Variants in DPH6 observed in about 807,000 individuals in gnomAD.
DPH6 encodes diphthamine biosynthesis 6.
Under a neutral mutation model 38.2 loss-of-function variants are expected in DPH6, and 33 were observed. The observed-to-expected ratio is 0.86, with a 90% confidence interval of 0.65 to 1.15. The LOEUF (loss-of-function observed/expected upper bound fraction) is 1.15. DPH6 is among the 50% of genes most tolerant of loss of function. The probability of loss-of-function intolerance (pLI) is 0.00; values close to 1 mark genes in which losing one functional copy is unlikely to be tolerated. For synonymous variants in DPH6, 108 were observed against 103.0 expected (o/e 1.05, Z -0.30); for missense variants, 325 against 320.0 (o/e 1.02, Z -0.12).
intron 6 of DPH6, among the ~76,000 whole-genome samples, chr15:35,400,292 G>A (rs566142727): frequency 6.6e-6 from 1 of 152,254 alleles, no homozygotes; most frequent in South Asian, 2.1e-4. Flanking sequence ...TGTGTATTGG[G>A]CTTTTACAGT....
chr15:35,350,958 T>C (rs1050512809), intron 3 of DPH6, among the ~76,000 whole-genome samples: 9 of 152,334 alleles, frequency 5.9e-5, no homozygotes, highest in African/African-American at 1.9e-4. Context: ...TCTAGAGTGT[T>C]GTTCAAGTCT....
intron 3 of DPH6, among the ~76,000 whole-genome samples, chr15:35,481,489 C>G: frequency 6.6e-6 from 1 of 151,786 alleles, no homozygotes; most frequent in Middle Eastern, 3.2e-3. Context: ...ATTGTAAAAA[C>G]AAAAACAAAC....
intron 6 of DPH6, among the ~76,000 whole-genome samples, chr15:35,406,811 G>T (rs1407916989): frequency 6.6e-6 from 1 of 151,986 alleles, no homozygotes; most frequent in Non-Finnish European, 1.5e-5. Context: ...ATAGATGACA[G>T]TGTGGAGGTA....
At chr15:35,166,856 C>A in the DPH6 span, among the ~76,000 whole-genome samples, 1 of 151,826 alleles carries the variant, frequency 6.6e-6, no homozygotes, top group Non-Finnish European at 1.5e-5. Context: ...GGAGGTGGGG[C>A]AAGCTGGAGG....
intron 5 of DPH6, among the ~76,000 whole-genome samples, chr15:35,419,098 C>A (rs1211417470): frequency 6.6e-6 from 1 of 151,704 alleles, no homozygotes; most frequent in African/African-American, 2.4e-5. Context: ...CACACACACT[C>A]TTGAAATCTC....
intron 3 of DPH6, among the ~76,000 whole-genome samples, chr15:35,510,370 G>A (rs1234173445): frequency 6.6e-6 from 1 of 152,050 alleles, no homozygotes; most frequent in East Asian, 1.9e-4. Context: ...CATCTTTATT[G>A]CTGGAAGCTC....
intron 3 of DPH6, among the ~76,000 whole-genome samples, chr15:35,518,684 C>T (rs1292721465): frequency 2.6e-5 from 4 of 151,950 alleles, no homozygotes; most frequent in Admixed American, 1.3e-4. Flanking sequence ...TCCCAACTTT[C>T]AGATTCACAT....
At chr15:35,488,662 G>A (rs954127405) in intron 3 of DPH6, among the ~76,000 whole-genome samples, 1 of 152,092 alleles carries the variant, frequency 6.6e-6, no homozygotes, top group Non-Finnish European at 1.5e-5. Flanking sequence ...AGATTTGGGT[G>A]GGGACAGAGA....
intron 6 of DPH6, among the ~76,000 whole-genome samples, chr15:35,389,982 C>T (rs1290662974): frequency 6.6e-6 from 1 of 152,128 alleles, no homozygotes; most frequent in Non-Finnish European, 1.5e-5. Flanking sequence ...GCTAATACTG[C>T]TTGTTCCTTT....
At chr15:35,345,983 T>C (rs982640670) in intron 3 of DPH6, among the ~76,000 whole-genome samples, 1 of 152,000 alleles carries the variant, frequency 6.6e-6, no homozygotes, top group Admixed American at 6.6e-5. Flanking sequence ...ACAAAATCTA[T>C]ATATTCATAA....
chr15:35,497,241 T>C (rs1272756237), intron 3 of DPH6, among the ~76,000 whole-genome samples: 2 of 152,170 alleles, frequency 1.3e-5, no homozygotes, highest in Admixed American at 6.5e-5. Flanking sequence ...GAAATGGTCA[T>C]TGGGCCTGTC....
intron 3 of DPH6, among the ~76,000 whole-genome samples, chr15:35,313,903 A>C (rs1016380308): frequency 8.5e-5 from 13 of 152,150 alleles, no homozygotes; most frequent in African/African-American, 3.1e-4. Flanking sequence ...TATTTTGTGT[A>C]AGACACCAAA....
At chr15:35,511,934 T>C (rs549029787) in intron 3 of DPH6, among the ~76,000 whole-genome samples, 1 of 152,304 alleles carries the variant, frequency 6.6e-6, no homozygotes, top group East Asian at 1.9e-4. Flanking sequence ...TTTAATCCAG[T>C]AACTAGGTTT....
chr15:35,386,170 C>T (rs1487938839), intron 6 of DPH6, among the ~76,000 whole-genome samples: 1 of 152,184 alleles, frequency 6.6e-6, no homozygotes, highest in Non-Finnish European at 1.5e-5. Flanking sequence ...CTACAAAGGA[C>T]ATGAACTCAT....
At chr15:35,513,596 T>G (rs1344852001) in intron 3 of DPH6, among the ~76,000 whole-genome samples, 2 of 152,000 alleles carry the variant, frequency 1.3e-5, no homozygotes, top group Non-Finnish European at 2.9e-5. Context: ...GGTAAATAAT[T>G]TAAGAAAATA....
At chr15:35,155,551 G>C in the DPH6 span, among the ~76,000 whole-genome samples, 1 of 152,194 alleles carries the variant, frequency 6.6e-6, no homozygotes, top group African/African-American at 2.4e-5. Context: ...ATGAACCCCA[G>C]GGTGAAGGGC....
chr15:35,182,284 T>C, the DPH6 span, among the ~76,000 whole-genome samples: 24 of 139,042 alleles, frequency 1.7e-4, no homozygotes, highest in African/African-American at 5.8e-4. Flanking sequence ...CCCTGAGAAA[T>C]GCTATACTAG....
chr15:35,395,822 T>C (rs2053124288), intron 6 of DPH6, among the ~76,000 whole-genome samples: 1 of 150,202 alleles, frequency 6.7e-6, no homozygotes, highest in Non-Finnish European at 1.5e-5. Context: ...TTTGATTTAT[T>C]TTGTAGTTCT....
At chr15:35,282,604 T>C (rs2140437333) in intron 3 of DPH6, 1 of 377,436 alleles carries the variant, frequency 2.6e-6, no homozygotes, top group Non-Finnish European at 5.5e-6. Context: ...GAATGGGAGA[T>C]GAGCCAATCT....
Sources: allele counts gnomAD v4.1 joint callset (sites outside exome capture counted in the v4.1 genomes callset), GRCh38; gene constraint gnomAD v4.1.1; transcripts MANE v1.5; gene names NCBI Gene and HGNC (gene_info 2026-07-23, HGNC 2026-07-21).